DOCK4: variants seen among roughly 807,000 people sequenced by gnomAD.
DOCK4 encodes dedicator of cytokinesis protein 4.
Under a neutral mutation model 268.1 loss-of-function variants are expected in DOCK4, and 97 were observed. That is an observed-to-expected ratio of 0.36 (90% CI 0.31 to 0.43). The LOEUF is 0.43. Among genes scored for constraint, DOCK4 ranks in the 20% least tolerant of loss-of-function variants. The pLI, the probability that DOCK4 is intolerant of heterozygous loss-of-function variation, is 1.00. For synonymous variants in DOCK4, 954 were observed against 887.2 expected (o/e 1.08, Z -1.34); for missense variants, 2,145 against 2,455.7 (o/e 0.87, Z 2.67).
chr7:111,888,509 C>CATCT (rs1808029405), intron 16 of DOCK4, among the ~76,000 whole-genome samples: 1 of 151,900 alleles, frequency 6.6e-6, no homozygotes, highest in Non-Finnish European at 1.5e-5. Flanking sequence ...TTCATCCACC[C>CATCT]ATCTATCTAA....
chr7:111,742,217 C>A, intron 44 of DOCK4, 85 bp from the exon 45 acceptor site: 1 of 1,337,224 alleles, frequency 7.5e-7, no homozygotes, highest in Non-Finnish European at 9.8e-7. Flanking sequence ...CTTTACTACG[C>A]ATTTCGCTTG....
At chr7:112,055,623 T>C (rs989774439) in intron 1 of DOCK4, among the ~76,000 whole-genome samples, 1 of 152,094 alleles carries the variant, frequency 6.6e-6, no homozygotes, top group African/African-American at 2.4e-5. Flanking sequence ...TAAACTTCCC[T>C]AGGGCAGGGC....
At chr7:111,933,351 G>A (rs1794427852) in intron 12 of DOCK4, among the ~76,000 whole-genome samples, 3 of 142,890 alleles carry the variant, frequency 2.1e-5, no homozygotes, top group Non-Finnish European at 4.5e-5. Context: ...CTGGAGTGCA[G>A]TGGTGCGATC....
chr7:111,933,127 TAC>T (rs1427384045), intron 12 of DOCK4, among the ~76,000 whole-genome samples: 3 of 135,616 alleles, frequency 2.2e-5, no homozygotes, highest in Non-Finnish European at 4.7e-5. Flanking sequence ...CACATATATA[TAC>T]GTATATACAC....
At chr7:112,205,598 T>C (rs1235478559) in intron 1 of DOCK4, among the ~76,000 whole-genome samples, 1 of 152,120 alleles carries the variant, frequency 6.6e-6, no homozygotes, top group Non-Finnish European at 1.5e-5. Flanking sequence ...ACTCCGGGAA[T>C]GTCGATCCGA....
intron 36 of DOCK4, among the ~76,000 whole-genome samples, chr7:111,775,118 G>T (rs1798363358): frequency 2.0e-5 from 3 of 152,212 alleles, no homozygotes; most frequent in African/African-American, 7.2e-5. Context: ...AGAATTAATA[G>T]AACTTCATGA....
At chr7:111,904,836 T>G (rs1026280323) in intron 13 of DOCK4, among the ~76,000 whole-genome samples, 8 of 152,136 alleles carry the variant, frequency 5.3e-5, no homozygotes, top group African/African-American at 1.4e-4. Flanking sequence ...AACACTACTT[T>G]GTTATATTAT....
chr7:112,160,390 A>G (rs893741824), intron 1 of DOCK4, among the ~76,000 whole-genome samples: 1 of 152,212 alleles, frequency 6.6e-6, no homozygotes, highest in African/African-American at 2.4e-5. Context: ...CTAGATCTTA[A>G]CAGTATTAAA....
At chr7:112,078,807 C>A (rs1808321645) in intron 1 of DOCK4, among the ~76,000 whole-genome samples, 2 of 152,108 alleles carry the variant, frequency 1.3e-5, no homozygotes. Context: ...TAGACCAGTA[C>A]TGCCTTTTTG....
chr7:111,900,317 G>A (rs1791028303), intron 15 of DOCK4, 57 bp downstream of exon 15: 2 of 1,560,218 alleles, frequency 1.3e-6, no homozygotes, highest in Non-Finnish European at 1.7e-6. Flanking sequence ...TGACAGCTCA[G>A]TAAGCAGGAT....
chr7:111,806,861 T>A (rs1470361070), intron 30 of DOCK4, among the ~76,000 whole-genome samples: 1 of 152,122 alleles, frequency 6.6e-6, no homozygotes, highest in Non-Finnish European at 1.5e-5. Context: ...TTTTCCATAT[T>A]CTCTAGATCT....
rs201654133 is a variant in DOCK4, at chr7:111,840,780, T to G, written c.2736+3983A>C. On this transcript the variant is annotated intron_variant, in intron 25 of 52. Coordinates refer to ENST00000428084, the MANE Select transcript of DOCK4 (RefSeq NM_001363540.2). ...TTACTCACAGTGTGTCTACTTGTCA[T>G]GGGCACTTTTCCATATGTGTCTGCA... The G allele has an allele frequency of 2.6e-3, 3,389 of 1,314,158 alleles. 8 individuals are homozygous for G. The highest frequency in any genetic ancestry group is 2.9e-3 in the Non-Finnish European group (2,931 of 1,008,338). 81.4% of individuals were successfully genotyped at this position (1,314,158 alleles called of 1,614,324 possible). A position where few individuals can be genotyped will look rare whatever the true frequency, so the allele number is the denominator to read the frequency against.
intron 13 of DOCK4, among the ~76,000 whole-genome samples, chr7:111,914,083 G>A (rs184991444): frequency 9.2e-5 from 14 of 152,128 alleles, no homozygotes; most frequent in Admixed American, 2.0e-4. Flanking sequence ...AAATTTTAAC[G>A]AGACTCCTTC....
At chr7:112,159,924 C>A (rs908077900) in intron 1 of DOCK4, among the ~76,000 whole-genome samples, 5 of 150,990 alleles carry the variant, frequency 3.3e-5, no homozygotes, top group Non-Finnish European at 7.4e-5. Flanking sequence ...ATCCCAAATA[C>A]CCGAATCCCA....
chr7:112,092,903 C>G (rs6953244), intron 1 of DOCK4, among the ~76,000 whole-genome samples: 13,645 of 152,122 alleles, frequency 0.09, 1,064 homozygotes, highest in East Asian at 0.39. Flanking sequence ...TTTGTTCTCT[C>G]AGTGGGCGTT....
chr7:111,809,519 G>A, intron 28 of DOCK4, 118 bp from the exon 29 acceptor site: 1 of 750,108 alleles, frequency 1.3e-6, no homozygotes, highest in Non-Finnish European at 2.2e-6. Context: ...AAGTAAGACT[G>A]ACCATGAGTT....
At chr7:112,009,153 C>G (rs1376611218) in intron 1 of DOCK4, among the ~76,000 whole-genome samples, 1 of 152,226 alleles carries the variant, frequency 6.6e-6, no homozygotes, top group African/African-American at 2.4e-5. Flanking sequence ...TTGCCCTTTA[C>G]AGGCTGACCA....
intron 26 of DOCK4, among the ~76,000 whole-genome samples, chr7:111,826,671 G>C (rs1802418027): frequency 6.6e-6 from 1 of 152,096 alleles, no homozygotes. Context: ...ATAAGTGAGA[G>C]CTAATCATTG....
intron 36 of DOCK4, among the ~76,000 whole-genome samples, chr7:111,773,687 A>T (rs1183997839): frequency 1.3e-5 from 2 of 152,188 alleles, no homozygotes; most frequent in Admixed American, 1.3e-4. Context: ...ATTGCTAGGC[A>T]CTATTCTAAG....
Sources: gnomAD v4.1 joint callset for allele counts (sites outside exome capture counted in the v4.1 genomes callset) on GRCh38, gnomAD v4.1.1 for gene constraint, MANE v1.5 for transcripts, NCBI Gene and HGNC (gene_info 2026-07-23, HGNC 2026-07-21) for gene names.